EEF2K: variants seen among roughly 807,000 people sequenced by gnomAD.
EEF2K encodes the protein eukaryotic elongation factor 2 kinase.
In EEF2K, 70 loss-of-function variants were observed where a neutral mutation model predicts 93.8. The observed-to-expected ratio is 0.75, with a 90% CI of 0.62 to 0.91. EEF2K has a LOEUF of 0.91. EEF2K is among the 40% of genes least tolerant of loss of function. EEF2K has a pLI of 0.00. For synonymous variants in EEF2K, 376 were observed against 380.8 expected (o/e 0.99, Z 0.15); for missense variants, 935 against 972.9 (o/e 0.96, Z 0.52).
At chr16:22,276,342 T>TG (rs1330137142) in intron 16 of EEF2K, among the ~76,000 whole-genome samples, 7 of 152,180 alleles carry the variant, frequency 4.6e-5, no homozygotes, top group African/African-American at 1.7e-4. Context: ...TTACTGGGTT[T>TG]GGGGACACAC....
chr16:22,251,063 A>T (rs1567276534), intron 5 of EEF2K, 88 bp from the exon 6 acceptor site: 1 of 1,500,366 alleles, frequency 6.7e-7, no homozygotes, highest in Non-Finnish European at 9.0e-7. Flanking sequence ...GCCACATCAG[A>T]CAGGGTCTTG....
chr16:22,217,052 T>G (rs1169178648), intron 1 of EEF2K, among the ~76,000 whole-genome samples: 1 of 149,544 alleles, frequency 6.7e-6, no homozygotes, highest in African/African-American at 2.5e-5. Flanking sequence ...TCCCAGCTAC[T>G]CCGGCGGCTT....
intron 2 of EEF2K, among the ~76,000 whole-genome samples, chr16:22,241,020 A>G (rs55646139): frequency 7.9e-5 from 12 of 152,096 alleles, no homozygotes; most frequent in African/African-American, 2.6e-4. Flanking sequence ...TGCCTGCCTC[A>G]GCCTCCCAAA....
rs138557908 is a variant in EEF2K, at chr16:22,251,944, C to T, written c.618+622C>T. Among the ~76,000 whole-genome samples the T allele has an allele frequency of 6.1e-4, 93 of 152,126 alleles. No homozygotes were observed. In the Middle Eastern group the frequency reaches 0.01, roughly 17 times the overall value. On this transcript the variant is annotated intron_variant, in intron 6 of 17. Transcript: ENST00000263026. ...GAGTAGCTGGGACTACAGGGGTATG[C>T]CACCATGCCTAGCTAATTTTTGTAT...
chr16:22,248,770 C>T lies in EEF2K; in HGVS notation c.363C>T (p.Thr121=), dbSNP rs199516774. The change falls in exon 4 of 18, where the codon ACC becomes ACT. Residue 121 remains threonine, a synonymous_variant. Transcript: ENST00000263026. ...GTCTCTGCAGGTACAACGCCGTCACCGGGGAATGGCTGGATGATGAAGTTC... is the reference window on the plus strand; with the variant it reads ...GTCTCTGCAGGTACAACGCCGTCACTGGGGAATGGCTGGATGATGAAGTTC... ...RATRHRYNAV[T]GEWLDDEVLI... 55 of 1,613,786 alleles carry T rather than the reference C, an allele frequency of 3.4e-5. No homozygotes were observed. In the Middle Eastern group the frequency reaches 4.9e-4, roughly 14 times the overall value.
chr16:22,225,844 A>C lies in EEF2K; in HGVS notation c.115A>C (p.Ile39Leu), dbSNP rs750292606. ...GDSDDEEGYF[I>L]CPITDDPSSN... ...CAGCGACGATGAGGAAGGTTACTTCATCTGCCCCATCACGGATGACCCAAG... is the reference window on the plus strand; with the variant it reads ...CAGCGACGATGAGGAAGGTTACTTCCTCTGCCCCATCACGGATGACCCAAG... The change falls in exon 2 of 18, where the codon ATC (isoleucine) becomes CTC (leucine). Residue 39 changes from isoleucine (I) to leucine (L), a missense_variant. Transcript: ENST00000263026. 2.5e-6 allele frequency: 4 copies of C among 1,614,240 alleles called. No homozygotes were observed. Among genetic ancestry groups the C allele is most frequent in the Non-Finnish European group, 2.5e-6 (3 of 1,180,048 alleles).
chr16:22,212,755 AGGCTGT>A (rs2046927172), intron 1 of EEF2K, among the ~76,000 whole-genome samples: 1 of 152,092 alleles, frequency 6.6e-6, no homozygotes, highest in African/African-American at 2.4e-5. Flanking sequence ...ACACTTTGGG[AGGCTGT>A]GGCTGGAGGA....
chr16:22,253,998 C>T (rs1274994084), intron 6 of EEF2K, among the ~76,000 whole-genome samples: 1 of 152,108 alleles, frequency 6.6e-6, no homozygotes, highest in Non-Finnish European at 1.5e-5. Flanking sequence ...ACTTGGGAGG[C>T]TGAGGCAGGA....
chr16:22,242,273 C>T lies in EEF2K; in HGVS notation c.247-2357C>T, dbSNP rs142576521. Reference sequence around the variant, plus strand: ...GAGCTGCTTCTATTTTGAGCAGGACCCAGTGCTGGGGATGAGGTGAAGCCC... The same window carrying T: ...GAGCTGCTTCTATTTTGAGCAGGACTCAGTGCTGGGGATGAGGTGAAGCCC... On this transcript the variant is annotated intron_variant, in intron 2 of 17. Coordinates refer to ENST00000263026, the MANE Select transcript of EEF2K (RefSeq NM_013302.5). Among the ~76,000 whole-genome samples, 9 of 152,178 alleles carry T rather than the reference C, an allele frequency of 5.9e-5. No homozygotes were observed. The East Asian group carries it at 1.4e-3, about 23-fold the overall frequency.
intron 9 of EEF2K, 32 bp from the exon 10 acceptor site, chr16:22,258,462 C>A: frequency 6.2e-7 from 1 of 1,607,046 alleles, no homozygotes; most frequent in African/African-American, 1.3e-5. Flanking sequence ...AGGGTGTGTG[C>A]GTGACATGAG....
chr16:22,279,552 T>C (rs2047672927), intron 16 of EEF2K, among the ~76,000 whole-genome samples: 1 of 152,242 alleles, frequency 6.6e-6, no homozygotes, highest in Non-Finnish European at 1.5e-5. Context: ...TTATTCATTG[T>C]GGTATAAACA....
At chr16:22,260,706 G>A (rs79395151) in intron 11 of EEF2K, among the ~76,000 whole-genome samples, 177 bp downstream of exon 11, 4,193 of 152,286 alleles carry the variant, frequency 0.028, 77 homozygotes, top group Non-Finnish European at 0.041. Context: ...CCAGTCCAAG[G>A]CTGAGCTTTC....
At chr16:22,258,152 AT>A (rs2047425675) in intron 9 of EEF2K, among the ~76,000 whole-genome samples, 1 of 152,046 alleles carries the variant, frequency 6.6e-6, no homozygotes, top group Admixed American at 6.6e-5. Context: ...CCATCCTCCC[AT>A]TGCTACTTGG....
At chr16:22,244,935 G>A (rs1183587231) in intron 3 of EEF2K, among the ~76,000 whole-genome samples, 1 of 152,130 alleles carries the variant, frequency 6.6e-6, no homozygotes, top group African/African-American at 2.4e-5. Context: ...GTACCTATTA[G>A]ACAGGCTAGA....
At chr16:22,252,960 A>T (rs1481598332) in intron 6 of EEF2K, among the ~76,000 whole-genome samples, 3 of 152,156 alleles carry the variant, frequency 2.0e-5, no homozygotes, top group African/African-American at 7.2e-5. Flanking sequence ...TCCCTCCCAC[A>T]ACACGTGGGA....
At chr16:22,238,667 GA>G (rs10708756) in intron 2 of EEF2K, among the ~76,000 whole-genome samples, 32,697 of 93,422 alleles carry the variant, frequency 0.35, 4,652 homozygotes, top group East Asian at 0.56. Flanking sequence ...AAGAAAAAAG[GA>G]AAAAAAAAAA....
At chr16:22,251,395 G>C (rs2047350685) in intron 6 of EEF2K, 73 bp downstream of exon 6, 2 of 1,520,586 alleles carry the variant, frequency 1.3e-6, no homozygotes, top group Non-Finnish European at 1.8e-6. Context: ...AGAGGGCCAT[G>C]GTGAATCCCT....
intron 16 of EEF2K, among the ~76,000 whole-genome samples, chr16:22,276,700 C>T (rs900993839): frequency 6.6e-6 from 1 of 152,128 alleles, no homozygotes; most frequent in Non-Finnish European, 1.5e-5. Context: ...TTGCTTTGCC[C>T]TTTAAGACCA....
At chr16:22,235,472 C>T (rs2047158963) in intron 2 of EEF2K, among the ~76,000 whole-genome samples, 1 of 152,098 alleles carries the variant, frequency 6.6e-6, no homozygotes, top group African/African-American at 2.4e-5. Flanking sequence ...TAAGCATTGC[C>T]TCTTGTGGGA....
Sources: allele counts gnomAD v4.1 joint callset (sites outside exome capture counted in the v4.1 genomes callset), GRCh38; gene constraint gnomAD v4.1.1; transcripts MANE v1.5; gene names NCBI Gene and HGNC (gene_info 2026-07-23, HGNC 2026-07-21).